DDIAS: variants seen among roughly 807,000 people sequenced by gnomAD.
DDIAS encodes DNA damage induced apoptosis suppressor.
DDIAS carries 14 observed loss-of-function variants against 15.7 expected under a neutral mutation model. That is an observed-to-expected ratio of 0.89 (90% CI 0.59 to 1.39). DDIAS has a LOEUF of 1.39. Ranked by LOEUF, DDIAS falls within the 40% of genes most tolerant of loss-of-function variation. The probability of loss-of-function intolerance (pLI) is 0.00; values close to 1 mark genes in which losing one functional copy is unlikely to be tolerated. For missense variants in DDIAS, 1,035 were observed against 1,130.9 expected (o/e 0.92, Z 1.22); for synonymous variants, 355 against 395.9 (o/e 0.90, Z 1.23).
intron 2 of DDIAS, among the ~76,000 whole-genome samples, chr11:82,914,441 TAA>T (rs1459497111): frequency 8.5e-5 from 13 of 152,228 alleles, no homozygotes; most frequent in Non-Finnish European, 1.8e-4. Flanking sequence ...GTGAAGAAGC[TAA>T]ATGACATCTT....
chr11:82,914,539 C>A (rs765395781), intron 2 of DDIAS, 184 bp from the exon 3 acceptor site: 182 of 470,158 alleles, frequency 3.9e-4, no homozygotes, highest in Middle Eastern at 4.4e-4. Context: ...TGATTTTCTT[C>A]CTATTAATAT....
chr11:82,923,624 G>T (rs566441236), intron 3 of DDIAS, among the ~76,000 whole-genome samples: 2 of 152,178 alleles, frequency 1.3e-5, no homozygotes, highest in African/African-American at 4.8e-5. Context: ...GGGGCTCCAT[G>T]GAAGTGCTTA....
intron 1 of DDIAS, among the ~76,000 whole-genome samples, chr11:82,906,296 A>G (rs1860429759): frequency 6.6e-6 from 1 of 152,090 alleles, no homozygotes; most frequent in South Asian, 2.1e-4. Flanking sequence ...AATACTAATG[A>G]TCCCTTTCAT....
At chr11:82,924,470 T>C (rs768972236) in intron 3 of DDIAS, among the ~76,000 whole-genome samples, 17 of 152,338 alleles carry the variant, frequency 1.1e-4, no homozygotes, top group Non-Finnish European at 1.9e-4. Flanking sequence ...TAAGGATTAC[T>C]TATCTCACCA....
At chr11:82,907,616 T>C (rs1382960417) in intron 1 of DDIAS, among the ~76,000 whole-genome samples, 2 of 152,236 alleles carry the variant, frequency 1.3e-5, no homozygotes, top group Non-Finnish European at 2.9e-5. Flanking sequence ...TACCGCGCAC[T>C]GCAGCCTCAA....
At chr11:82,922,850 G>C (rs1860783119) in intron 3 of DDIAS, among the ~76,000 whole-genome samples, 1 of 152,162 alleles carries the variant, frequency 6.6e-6, no homozygotes, top group Admixed American at 6.5e-5. Flanking sequence ...GCTGAAGGCT[G>C]TTGTTCAGAT....
At chr11:82,904,431 CT>C (rs1257313472) in intron 1 of DDIAS, among the ~76,000 whole-genome samples, 1 of 152,138 alleles carries the variant, frequency 6.6e-6, no homozygotes, top group Non-Finnish European at 1.5e-5. Flanking sequence ...GGTAGTTAAG[CT>C]GAAAGATCAC....
chr11:82,933,667 A>G lies in DDIAS; in HGVS notation c.2329A>G (p.Ile777Val), dbSNP rs149306351. The change falls in exon 6 of 6, where the codon ATT (isoleucine) becomes GTT (valine). Residue 777 changes from isoleucine (I) to valine (V), a missense_variant. Transcript: ENST00000533655. ...TGTTCCATGTTCACAGTCAACTCCA[A>G]TTTCAGGGTTCCACCAAACAAGAAT... ...DFVPCSQSTP[I>V]SGFHQTRIHG... 6.9e-5 allele frequency: 111 copies of G among 1,613,988 alleles called. No homozygotes were observed. The highest frequency in any genetic ancestry group is 2.0e-4 in the Admixed American group (12 of 59,992).
intron 3 of DDIAS, among the ~76,000 whole-genome samples, chr11:82,926,558 A>T (rs1860866529): frequency 6.6e-6 from 1 of 152,192 alleles, no homozygotes; most frequent in African/African-American, 2.4e-5. Flanking sequence ...CTAGAAGTTA[A>T]ATCGGGACGG....
intron 5 of DDIAS, among the ~76,000 whole-genome samples, 200 bp from the exon 6 acceptor site, chr11:82,931,532 A>AT (rs1378629204): frequency 2.6e-5 from 4 of 151,286 alleles, no homozygotes; most frequent in African/African-American, 7.3e-5. Context: ...TTGTGGGGGT[A>AT]TTTTTTTTAG....
intron 3 of DDIAS, among the ~76,000 whole-genome samples, chr11:82,917,874 G>C (rs1484402435): frequency 1.3e-5 from 2 of 152,144 alleles, no homozygotes; most frequent in African/African-American, 4.8e-5. Flanking sequence ...TTGTGATTTT[G>C]ATTTGTATTT....
intron 3 of DDIAS, among the ~76,000 whole-genome samples, chr11:82,920,460 G>A (rs1860722580): frequency 6.6e-6 from 1 of 152,098 alleles, no homozygotes; most frequent in African/African-American, 2.4e-5. Context: ...CTTGAGGTGT[G>A]ACCTTAGAAT....
intron 3 of DDIAS, among the ~76,000 whole-genome samples, chr11:82,923,219 C>T (rs764772167): frequency 2.6e-5 from 4 of 152,154 alleles, no homozygotes; most frequent in African/African-American, 4.8e-5. Context: ...CTGCTTTGTC[C>T]GAGTTGGAGC....
At position 82,932,993 on chromosome 11, in the gene DDIAS, T is replaced by C. The variant is rs923436556; in HGVS notation, c.1655T>C (p.Ile552Thr). 4.3e-6 allele frequency: 7 copies of C among 1,611,032 alleles called. No individual in the cohort carries two copies. The highest frequency in any genetic ancestry group is 2.2e-5 in the East Asian group (1 of 44,844). Residue 552 changes from isoleucine (I) to threonine (T), a missense_variant, in exon 6 of 6, where the codon ATA becomes ACA. Physicochemically the swap from Ile to Thr is moderately conservative, Grantham distance 89. Transcript: ENST00000533655. The part of the protein sequence containing the change: ...LSSSSKDLET[I>T]VTLKKTIRIS... ...TCATCTTCAAAAGATTTAGAAACAA[T>C]AGTTACTCTTAAGAAGACTATCAGA...
At chr11:82,931,000 CCTCCT>C (rs1328104003) in intron 5 of DDIAS, among the ~76,000 whole-genome samples, 1 of 152,118 alleles carries the variant, frequency 6.6e-6, no homozygotes, top group Non-Finnish European at 1.5e-5. Flanking sequence ...CCTCCCCTCC[CCTCCT>C]CTCTTTCCTT....
chr11:82,905,419 G>A (rs1860407800), intron 1 of DDIAS, among the ~76,000 whole-genome samples: 1 of 151,292 alleles, frequency 6.6e-6, no homozygotes, highest in Non-Finnish European at 1.5e-5. Context: ...TGTATTTATT[G>A]ATTTTTTCTA....
intron 3 of DDIAS, among the ~76,000 whole-genome samples, chr11:82,915,484 A>G (rs1236879706): frequency 6.6e-6 from 1 of 152,226 alleles, no homozygotes; most frequent in African/African-American, 2.4e-5. Flanking sequence ...GTAGTGTGCC[A>G]GCAATATTCT....
chr11:82,913,177 T>G (rs1209199195), intron 1 of DDIAS, 110 bp from the exon 2 acceptor site: 1 of 152,122 alleles, frequency 6.6e-6, no homozygotes, highest in Non-Finnish European at 1.5e-5. Context: ...AACCTTCAAT[T>G]TGTAAAAAAA....
Position 82,932,851 on chromosome 11 carries a change from C to A in DDIAS, c.1513C>A (p.Pro505Thr), listed in dbSNP as rs934243201. The A allele has an allele frequency of 6.2e-7, 1 of 1,613,336 alleles. No homozygotes were observed. Among genetic ancestry groups the A allele is most frequent in the African/African-American group, 1.3e-5 (1 of 75,018 alleles). Reference sequence around the variant, plus strand: ...TTTCAACTGTAAAGGAAATCTAAGTCCTAGTGTTGAAAAGGAGTCACAACC... The same window carrying A: ...TTTCAACTGTAAAGGAAATCTAAGTACTAGTGTTGAAAAGGAGTCACAACC... ...FLFNCKGNLS[P>T]SVEKESQPDN... Residue 505 changes from proline (P) to threonine (T), a missense_variant, in exon 6 of 6, where the codon CCT becomes ACT. Physicochemically the swap from Pro to Thr is conservative, Grantham distance 38 (BLOSUM62 -1). Coordinates refer to ENST00000533655, the MANE Select transcript of DDIAS (RefSeq NM_145018.4).
Sources: allele counts gnomAD v4.1 joint callset (sites outside exome capture counted in the v4.1 genomes callset), GRCh38; gene constraint gnomAD v4.1.1; transcripts MANE v1.5; gene names NCBI Gene and HGNC (gene_info 2026-07-23, HGNC 2026-07-21).